MACROD2: variants seen among roughly 807,000 people sequenced by gnomAD.
MACROD2 encodes the protein mono-ADP ribosylhydrolase 2, also known as ADP-ribose glycohydrolase MACROD2.
A neutral mutation model predicts 70.4 loss-of-function variants in MACROD2; 36 were observed. The ratio of observed to expected loss-of-function variants is 0.51; its 90% confidence interval spans 0.39 to 0.68. MACROD2 has a LOEUF of 0.68. MACROD2 is among the 30% of genes least tolerant of loss of function. The pLI is 0.00. For synonymous variants in MACROD2, 172 were observed against 178.8 expected (o/e 0.96, Z 0.30); for missense variants, 496 against 538.4 (o/e 0.92, Z 0.78).
rs147146390 is a variant in MACROD2, at chr20:15,167,680, G to A, written c.419-62260G>A. 1.7e-3 allele frequency among the ~76,000 whole-genome samples: 259 copies of A among 152,170 alleles called. 1 individual carries two copies. Among genetic ancestry groups the A allele is most frequent in the African/African-American group, 6.0e-3 (249 of 41,506 alleles). ...CATGAAATGATTCCCAGCTCTTCAC[G>A]GACTAGAAGTTCAAAGTGCAAAAAA... On this transcript the variant is annotated intron_variant, in intron 5 of 17. Transcript: ENST00000684519.
chr20:15,937,543 A>C lies in MACROD2; in HGVS notation c.906A>C (p.Glu302Asp), dbSNP rs781497337. Residue 302 changes from glutamate (E) to aspartate (D), a missense_variant and splice_region_variant, in exon 12 of 18, where the codon GAA becomes GAC. Physicochemically the swap from Glu to Asp is conservative, Grantham distance 45. Transcript: ENST00000684519. ...SEEAVEDCKDEDFAKDENITK... is the reference protein window; with the variant it reads ...SEEAVEDCKDDDFAKDENITK... ...AGGCAGTTGAAGACTGTAAAGATGA[A>C]GGTATGAGGCTACTAACTATATCTA... The C allele has an allele frequency of 3.7e-6, 6 of 1,612,574 alleles. No homozygotes were observed. The highest frequency in any genetic ancestry group is 5.1e-6 in the Non-Finnish European group (6 of 1,178,906).
At chr20:15,800,556 G>A (rs1403896891) in intron 8 of MACROD2, among the ~76,000 whole-genome samples, 1 of 152,158 alleles carries the variant, frequency 6.6e-6, no homozygotes, top group Admixed American at 6.5e-5. Context: ...CCCAATGTAT[G>A]TTCTTAATGC....
intron 2 of MACROD2, among the ~76,000 whole-genome samples, chr20:14,077,728 C>G (rs1216395223): frequency 2.6e-5 from 4 of 151,970 alleles, no homozygotes; most frequent in Non-Finnish European, 4.4e-5. Context: ...TTTATGTTTT[C>G]AAGCTGGCTA....
At chr20:14,699,885 GAAGTTTA>G (rs1052696746) in intron 5 of MACROD2, among the ~76,000 whole-genome samples, 4 of 135,140 alleles carry the variant, frequency 3.0e-5, no homozygotes, top group Non-Finnish European at 6.3e-5. Flanking sequence ...TTTAAATCCA[GAAGTTTA>G]AAGTTTAAAC....
At chr20:15,665,512 C>T (rs1432243259) in intron 8 of MACROD2, among the ~76,000 whole-genome samples, 1 of 152,138 alleles carries the variant, frequency 6.6e-6, no homozygotes, top group Admixed American at 6.5e-5. Context: ...GCAAGAGGAC[C>T]TGGAGAAGCA....
chr20:15,156,582 C>T (rs545129532), intron 5 of MACROD2, among the ~76,000 whole-genome samples: 5 of 152,250 alleles, frequency 3.3e-5, no homozygotes, highest in African/African-American at 1.2e-4. Flanking sequence ...CCAAGTATCC[C>T]TTTCTACCAG....
chr20:14,273,431 G>A (rs1216496005), intron 3 of MACROD2, among the ~76,000 whole-genome samples: 1 of 148,976 alleles, frequency 6.7e-6, no homozygotes, highest in African/African-American at 2.5e-5. Flanking sequence ...AAATAAAGAT[G>A]TTCTTTGAAA....
At chr20:15,965,715 T>A (rs6074981) in intron 12 of MACROD2, among the ~76,000 whole-genome samples, 5,398 of 151,918 alleles carry the variant, frequency 0.036, 137 homozygotes, top group African/African-American at 0.061. Context: ...ATATTCAAAA[T>A]TTTTTTTTCA....
intron 10 of MACROD2, among the ~76,000 whole-genome samples, chr20:15,888,406 T>C (rs923313014): frequency 1.3e-5 from 2 of 152,174 alleles, no homozygotes; most frequent in Non-Finnish European, 2.9e-5. Context: ...CTTTTAGCTA[T>C]GAGGGGTACT....
At chr20:14,998,901 A>G (rs1050899936) in intron 5 of MACROD2, among the ~76,000 whole-genome samples, 2 of 152,212 alleles carry the variant, frequency 1.3e-5, no homozygotes, top group African/African-American at 4.8e-5. Context: ...AGAAACAACT[A>G]ACATACAATG....
chr20:14,954,099 T>G (rs1243808534), intron 5 of MACROD2, among the ~76,000 whole-genome samples: 1 of 152,112 alleles, frequency 6.6e-6, no homozygotes, highest in Non-Finnish European at 1.5e-5. Flanking sequence ...GTGAGACACC[T>G]TAAGTATAGA....
At chr20:15,806,074 A>C (rs771505438) in intron 8 of MACROD2, among the ~76,000 whole-genome samples, 2 of 152,256 alleles carry the variant, frequency 1.3e-5, no homozygotes, top group Non-Finnish European at 2.9e-5. Flanking sequence ...TCAGTATTTC[A>C]TATGAGTTTA....
At chr20:15,342,511 G>A (rs143524179) in intron 6 of MACROD2, among the ~76,000 whole-genome samples, 79 of 152,258 alleles carry the variant, frequency 5.2e-4, no homozygotes, top group Middle Eastern at 3.4e-3. Flanking sequence ...GATATCAGTG[G>A]ATCTATAAAA....
At chr20:15,327,065 C>G (rs990973563) in intron 6 of MACROD2, among the ~76,000 whole-genome samples, 2 of 152,048 alleles carry the variant, frequency 1.3e-5, no homozygotes, top group African/African-American at 4.8e-5. Context: ...AATACAGAAG[C>G]CTTCATAAGG....
intron 3 of MACROD2, among the ~76,000 whole-genome samples, chr20:14,412,351 G>C (rs767675637): frequency 6.6e-6 from 1 of 152,136 alleles, no homozygotes; most frequent in African/African-American, 2.4e-5. Context: ...TGTCATGTTG[G>C]CCTTAATGGA....
chr20:14,260,273 T>C (rs182905327), intron 3 of MACROD2, among the ~76,000 whole-genome samples: 1 of 152,292 alleles, frequency 6.6e-6, no homozygotes, highest in African/African-American at 2.4e-5. Context: ...TATATGAAGG[T>C]ACATAACAAA....
At chr20:15,538,924 T>A (rs967318577) in intron 8 of MACROD2, among the ~76,000 whole-genome samples, 4 of 152,072 alleles carry the variant, frequency 2.6e-5, no homozygotes, top group African/African-American at 9.7e-5. Context: ...TTATATGAAA[T>A]ATATTTTAGG....
At chr20:15,903,109 C>T (rs1483461176) in intron 10 of MACROD2, among the ~76,000 whole-genome samples, 2 of 152,144 alleles carry the variant, frequency 1.3e-5, no homozygotes, top group African/African-American at 4.8e-5. Flanking sequence ...GGTGCGGTGT[C>T]TCACGCCTGT....
chr20:14,851,303 C>T (rs1276441001), intron 5 of MACROD2, among the ~76,000 whole-genome samples: 1 of 152,064 alleles, frequency 6.6e-6, no homozygotes, highest in East Asian at 1.9e-4. Context: ...TCATTTGTAA[C>T]CTCCAGGGAG....
Sources: gnomAD v4.1 joint callset for allele counts (sites outside exome capture counted in the v4.1 genomes callset) on GRCh38, gnomAD v4.1.1 for gene constraint, MANE v1.5 for transcripts, NCBI Gene and HGNC (gene_info 2026-07-23, HGNC 2026-07-21) for gene names.